Variants in PTPRG observed in about 807,000 individuals in gnomAD.
PTPRG encodes receptor-type tyrosine-protein phosphatase gamma.
A neutral mutation model predicts 165.3 loss-of-function variants in PTPRG; 102 were observed. That is an observed-to-expected ratio of 0.62 (90% CI 0.53 to 0.73). The LOEUF is 0.73. PTPRG is among the 30% of genes least tolerant of loss of function. PTPRG has a pLI of 0.00. For missense variants in PTPRG, 1,866 were observed against 1,861.4 expected (o/e 1.00, Z -0.05); for synonymous variants, 675 against 669.5 (o/e 1.01, Z -0.13).
intron 28 of PTPRG, among the ~76,000 whole-genome samples, chr3:62,289,531 A>G (rs1185472729): frequency 6.6e-6 from 1 of 152,178 alleles, no homozygotes; most frequent in Non-Finnish European, 1.5e-5. Flanking sequence ...AACCCAGTAT[A>G]TTAAAAGAAT....
chr3:62,220,476 T>G (rs1484419830), intron 13 of PTPRG, among the ~76,000 whole-genome samples: 1 of 152,096 alleles, frequency 6.6e-6, no homozygotes, highest in East Asian at 1.9e-4. Flanking sequence ...AGATCTATTT[T>G]GAAGGTGGGA....
At chr3:61,588,035 C>T (rs776275740) in intron 1 of PTPRG, among the ~76,000 whole-genome samples, 4 of 151,572 alleles carry the variant, frequency 2.6e-5, no homozygotes, top group African/African-American at 9.7e-5. Context: ...GTTGTCTTGT[C>T]GCTTTAAAAA....
intron 1 of PTPRG, among the ~76,000 whole-genome samples, chr3:61,640,343 G>T (rs1216131387): frequency 6.6e-6 from 1 of 152,138 alleles, no homozygotes; most frequent in Non-Finnish European, 1.5e-5. Context: ...AGGTCCTGGG[G>T]TATACACCTG....
chr3:61,690,893 G>T (rs1054131074), intron 1 of PTPRG, among the ~76,000 whole-genome samples: 1 of 152,044 alleles, frequency 6.6e-6, no homozygotes, highest in South Asian at 2.1e-4. Context: ...TTCCTTGAAA[G>T]GTACATTACT....
At chr3:62,170,137 G>T (rs1024880270) in intron 8 of PTPRG, among the ~76,000 whole-genome samples, 1 of 152,070 alleles carries the variant, frequency 6.6e-6, no homozygotes, top group African/African-American at 2.4e-5. Context: ...ATTGTCAAGG[G>T]CATCATTCTC....
intron 2 of PTPRG, among the ~76,000 whole-genome samples, chr3:61,802,141 A>G (rs931519491): frequency 6.6e-6 from 1 of 152,114 alleles, no homozygotes; most frequent in Non-Finnish European, 1.5e-5. Context: ...CCTACCCTAC[A>G]GTCTGTTTAG....
At chr3:61,972,013 C>T (rs932241365) in intron 2 of PTPRG, among the ~76,000 whole-genome samples, 1 of 152,130 alleles carries the variant, frequency 6.6e-6, no homozygotes, top group Non-Finnish European at 1.5e-5. Context: ...AGTGAGTGAA[C>T]AATAGACAAT....
chr3:61,767,239 T>TGAAAAA lies in PTPRG; in HGVS notation c.190+18257_190+18258insGAAAAA, dbSNP rs1371380259. 5.5e-4 allele frequency among the ~76,000 whole-genome samples: 40 copies of TGAAAAA among 73,078 alleles called. 7 individuals carry two copies. Among genetic ancestry groups the TGAAAAA allele is most frequent in the Admixed American group, 1.2e-3 (6 of 5,086 alleles). 47.9% of individuals were successfully genotyped at this position (73,078 alleles called of 152,430 possible). On this transcript the variant is annotated intron_variant, in intron 2 of 29. Coordinates refer to ENST00000474889, the MANE Select transcript of PTPRG (RefSeq NM_002841.4). The stretch of plus-strand genomic sequence containing the variant: ...AGCCTTGTGACAGCAAGATTCCATC[T>TGAAAAA]CAAAAAAAAAAAAAAAAAGAAAGTA...
intron 4 of PTPRG, among the ~76,000 whole-genome samples, chr3:62,041,215 A>G (rs1700117793): frequency 6.6e-6 from 1 of 152,206 alleles, no homozygotes; most frequent in South Asian, 2.1e-4. Context: ...GTGTGTGTGT[A>G]ATTGACTAGC....
At chr3:62,141,908 G>A (rs1241548846) in intron 6 of PTPRG, among the ~76,000 whole-genome samples, 1 of 151,606 alleles carries the variant, frequency 6.6e-6, no homozygotes, top group East Asian at 1.9e-4. Flanking sequence ...CAAAAAAAAA[G>A]AAGACATGTG....
At chr3:61,906,778 T>TGTAGGTAGGTAGGTAG (rs71123239) in intron 2 of PTPRG, among the ~76,000 whole-genome samples, 2 of 146,972 alleles carry the variant, frequency 1.4e-5, no homozygotes, top group South Asian at 2.3e-4. Context: ...AGTGAGACCC[T>TGTAGGTAGGTAGGTAG]GTAGGTAGGT....
chr3:61,955,206 C>G (rs549782728), intron 2 of PTPRG, among the ~76,000 whole-genome samples: 23 of 152,218 alleles, frequency 1.5e-4, no homozygotes, highest in African/African-American at 5.3e-4. Context: ...TTTTTCAGAC[C>G]TTCCTGTACG....
At chr3:61,762,056 A>G (rs982204703) in intron 2 of PTPRG, among the ~76,000 whole-genome samples, 7 of 152,176 alleles carry the variant, frequency 4.6e-5, no homozygotes, top group African/African-American at 1.7e-4. Context: ...TAGCACCTGC[A>G]AAGATGAGCG....
At chr3:61,728,181 G>A (rs956549100) in intron 1 of PTPRG, among the ~76,000 whole-genome samples, 1 of 152,210 alleles carries the variant, frequency 6.6e-6, no homozygotes, top group Admixed American at 6.5e-5. Flanking sequence ...TTTCTTCACT[G>A]TCTTGGACTT....
At chr3:61,566,216 T>C (rs1699910233) in intron 1 of PTPRG, among the ~76,000 whole-genome samples, 1 of 152,246 alleles carries the variant, frequency 6.6e-6, no homozygotes, top group Non-Finnish European at 1.5e-5. Context: ...TAGTGAAGCT[T>C]TGAGTATCTC....
In PTPRG at chr3:62,280,142, C is replaced by T. The variant is rs192750577; in HGVS notation, c.3766-1421C>T. Among the ~76,000 whole-genome samples the T allele has an allele frequency of 2.1e-3, 318 of 152,164 alleles. 1 individual carries two copies. Among genetic ancestry groups the T allele is most frequent in the Non-Finnish European group, 3.9e-3 (265 of 67,952 alleles). Reference sequence around the variant, plus strand: ...TGAAAGACTTTCTATGTTATCCCCTCTTGAAATATAACATTGACAGATTTC... The same window carrying T: ...TGAAAGACTTTCTATGTTATCCCCTTTTGAAATATAACATTGACAGATTTC... On this transcript the variant is annotated intron_variant, in intron 26 of 29. Transcript: ENST00000474889.
intron 2 of PTPRG, among the ~76,000 whole-genome samples, chr3:61,958,230 G>A (rs1285599310): frequency 1.3e-5 from 2 of 151,806 alleles, no homozygotes; most frequent in African/African-American, 2.4e-5. Context: ...GAGTTCAAAC[G>A]TTTCTCCTGT....
intron 2 of PTPRG, among the ~76,000 whole-genome samples, chr3:61,942,524 G>T (rs1363428605): frequency 2.6e-5 from 4 of 152,160 alleles, no homozygotes; most frequent in African/African-American, 9.7e-5. Context: ...TTCATAATGA[G>T]ACCTGTGTTA....
chr3:62,267,488 TTGA>T lies in PTPRG; in HGVS notation c.2738_2739+1del, dbSNP rs778645613. 6.2e-7 allele frequency: 1 copy of T among 1,607,410 alleles called. No individual in the cohort carries two copies. Among genetic ancestry groups the T allele is most frequent in the Admixed American group, 1.7e-5 (1 of 59,642 alleles). Reference sequence around the variant, plus strand: ...AGCGACTACATTAATGCAAACTATGTTGATGTAAGTCAGAACTGTTATTATAAA... The same window carrying T: ...AGCGACTACATTAATGCAAACTATGTTGTAAGTCAGAACTGTTATTATAAA... On this transcript the variant is annotated inframe_deletion and splice_region_variant, in exon 18 of 30. Coordinates refer to ENST00000474889, the MANE Select transcript of PTPRG (RefSeq NM_002841.4).
Sources: gnomAD v4.1 joint callset for allele counts (sites outside exome capture counted in the v4.1 genomes callset) on GRCh38, gnomAD v4.1.1 for gene constraint, MANE v1.5 for transcripts, NCBI Gene and HGNC (gene_info 2026-07-23, HGNC 2026-07-21) for gene names.